Variants in PKP4 observed in about 807,000 individuals in gnomAD.
PKP4 encodes plakophilin 4.
In PKP4, 90 loss-of-function variants were observed where a neutral mutation model predicts 145.1. The observed-to-expected ratio is 0.62, with a 90% CI of 0.52 to 0.74. PKP4 has a LOEUF of 0.74. Ranked by LOEUF, PKP4 falls within the 30% of genes least tolerant of loss-of-function variation. The probability of loss-of-function intolerance (pLI) is 0.00; values close to 1 mark genes in which losing one functional copy is unlikely to be tolerated. For missense variants in PKP4, 1,340 were observed against 1,482.7 expected (o/e 0.90, Z 1.58); for synonymous variants, 563 against 577.2 (o/e 0.98, Z 0.35).
At chr2:158,468,281 C>T (rs1690973885) in intron 1 of PKP4, among the ~76,000 whole-genome samples, 1 of 152,240 alleles carries the variant, frequency 6.6e-6, no homozygotes, top group East Asian at 1.9e-4. Context: ...AGATTTATAG[C>T]TTTGGTAAAT....
At chr2:158,556,860 G>A (rs2046138323) in intron 2 of PKP4, among the ~76,000 whole-genome samples, 2 of 152,184 alleles carry the variant, frequency 1.3e-5, no homozygotes, top group Non-Finnish European at 2.9e-5. Flanking sequence ...AAGCCAGGTA[G>A]TGAGACCTCT....
At chr2:158,506,692 T>C (rs1242825017) in intron 1 of PKP4, among the ~76,000 whole-genome samples, 1 of 152,228 alleles carries the variant, frequency 6.6e-6, no homozygotes, top group Non-Finnish European at 1.5e-5. Flanking sequence ...TTATGCCTAC[T>C]TTTAACCTTT....
intron 1 of PKP4, among the ~76,000 whole-genome samples, chr2:158,484,796 T>G (rs1156452078): frequency 6.6e-6 from 1 of 152,234 alleles, no homozygotes; most frequent in Non-Finnish European, 1.5e-5. Context: ...AATAGAAGAT[T>G]GCATGGTTCT....
chr2:158,544,630 A>G (rs1435865659), intron 2 of PKP4, among the ~76,000 whole-genome samples: 1 of 152,184 alleles, frequency 6.6e-6, no homozygotes, highest in East Asian at 1.9e-4. Context: ...TCTTACACTG[A>G]TCGGTGAATA....
rs769016739 is a variant in PKP4 at position 158,625,431 on chromosome 2, C to G, written c.1153+4C>G. 8 of 1,600,214 alleles carry G rather than the reference C, an allele frequency of 5.0e-6. No individual in the cohort carries two copies. The highest frequency in any genetic ancestry group is 6.8e-6 in the Non-Finnish European group (8 of 1,170,070). ...CCCAGGCCAGACAGCCTGACAGGTG[C>G]GTACAAGGTGACAGTGCTACATAAA... On this transcript the variant is annotated splice_donor_region_variant and intron_variant, in intron 7 of 21. Transcript: ENST00000389759.
At chr2:158,488,152 A>G (rs1191020479) in intron 1 of PKP4, among the ~76,000 whole-genome samples, 2 of 152,176 alleles carry the variant, frequency 1.3e-5, no homozygotes, top group African/African-American at 4.8e-5. Context: ...ATGTGTTGCT[A>G]AGTAAGTTTC....
intron 1 of PKP4, among the ~76,000 whole-genome samples, chr2:158,531,712 G>A (rs2043562293): frequency 6.6e-6 from 1 of 152,078 alleles, no homozygotes; most frequent in Non-Finnish European, 1.5e-5. Flanking sequence ...CTCCCCCCAG[G>A]GCACTTAGGT....
intron 1 of PKP4, among the ~76,000 whole-genome samples, chr2:158,482,467 T>C (rs1244781640): frequency 1.3e-5 from 2 of 152,100 alleles, no homozygotes. Flanking sequence ...AGTTTCTTAC[T>C]CTAAGGAAAA....
In PKP4 at chr2:158,505,001, A is replaced by T. The variant is rs115793928; in HGVS notation, c.-5-28179A>T. ...CACAAAGATGCTTCTTCCAAAGGAGAAAATGGACAGAAGAGCTTAATAGTG... is the reference window on the plus strand; with the variant it reads ...CACAAAGATGCTTCTTCCAAAGGAGTAAATGGACAGAAGAGCTTAATAGTG... On this transcript the variant is annotated intron_variant, in intron 1 of 21. Transcript: ENST00000389759. 6.0e-3 allele frequency among the ~76,000 whole-genome samples: 910 copies of T among 152,292 alleles called. 7 individuals are homozygous for T. The highest frequency in any genetic ancestry group is 0.01 in the Non-Finnish European group (683 of 68,042).
intron 2 of PKP4, among the ~76,000 whole-genome samples, chr2:158,570,841 G>A (rs2047358011): frequency 6.6e-6 from 1 of 152,174 alleles, no homozygotes; most frequent in Non-Finnish European, 1.5e-5. Context: ...CAATGAAAGA[G>A]ATAATATAGG....
intron 12 of PKP4, chr2:158,658,589 T>C: frequency 6.5e-6 from 2 of 305,410 alleles, no homozygotes; most frequent in Admixed American, 1.0e-4. Flanking sequence ...TGTTTTCCAC[T>C]TTAACAGCAT....
chr2:158,564,864 C>G (rs1277234053), intron 2 of PKP4, among the ~76,000 whole-genome samples: 1 of 152,142 alleles, frequency 6.6e-6, no homozygotes, highest in African/African-American at 2.4e-5. Context: ...AGTTAAGTTC[C>G]CATGTATACT....
intron 1 of PKP4, among the ~76,000 whole-genome samples, chr2:158,520,292 GT>G (rs1348119405): frequency 6.6e-6 from 1 of 152,128 alleles, no homozygotes; most frequent in East Asian, 1.9e-4. Flanking sequence ...TTCAAAAATC[GT>G]TATTGAATGT....
intron 1 of PKP4, among the ~76,000 whole-genome samples, chr2:158,531,071 T>C (rs1184591676): frequency 6.6e-6 from 1 of 152,108 alleles, no homozygotes; most frequent in African/African-American, 2.4e-5. Flanking sequence ...CAGAAAGTGC[T>C]CCTCTGGGTT....
intron 1 of PKP4, among the ~76,000 whole-genome samples, chr2:158,506,608 C>T (rs929340997): frequency 6.6e-6 from 1 of 152,202 alleles, no homozygotes; most frequent in East Asian, 1.9e-4. Flanking sequence ...AGTTTCTACT[C>T]TCTTTAAATA....
At chr2:158,615,619 T>A (rs1441748408) in intron 4 of PKP4, among the ~76,000 whole-genome samples, 1 of 152,220 alleles carries the variant, frequency 6.6e-6, no homozygotes, top group Non-Finnish European at 1.5e-5. Context: ...TGGTTTTATA[T>A]TCTTGGACAG....
chr2:158,622,329 T>C (rs1198493020), intron 6 of PKP4, among the ~76,000 whole-genome samples: 3 of 152,152 alleles, frequency 2.0e-5, no homozygotes, highest in Non-Finnish European at 4.4e-5. Flanking sequence ...TGCATGTATA[T>C]TTATAAAAAC....
intron 1 of PKP4, among the ~76,000 whole-genome samples, chr2:158,516,729 G>T (rs1467064439): frequency 2.0e-5 from 3 of 150,424 alleles, no homozygotes; most frequent in African/African-American, 7.4e-5. Context: ...GCACAGTCTT[G>T]GCTCACCACA....
intron 2 of PKP4, among the ~76,000 whole-genome samples, chr2:158,573,873 A>T (rs7421004): frequency 6.6e-6 from 1 of 152,224 alleles, no homozygotes; most frequent in Non-Finnish European, 1.5e-5. Flanking sequence ...CAGTGCCTGA[A>T]TGCAAGCTTC....
Sources: allele counts gnomAD v4.1 joint callset (sites outside exome capture counted in the v4.1 genomes callset), GRCh38; gene constraint gnomAD v4.1.1; transcripts MANE v1.5; gene names NCBI Gene and HGNC (gene_info 2026-07-23, HGNC 2026-07-21).